Variants in ABHD12B observed in about 807,000 individuals in gnomAD.
The protein encoded by ABHD12B is abhydrolase domain containing 12B.
A neutral mutation model predicts 50.4 loss-of-function variants in ABHD12B; 42 were observed. That is an observed-to-expected ratio of 0.83 (90% CI 0.65 to 1.08). The LOEUF (loss-of-function observed/expected upper bound fraction) is 1.08, where lower values mean the gene tolerates loss of function less well. Among genes scored for constraint, ABHD12B ranks in the 50% least tolerant of loss-of-function variants. The pLI, the probability that ABHD12B is intolerant of heterozygous loss-of-function variation, is 0.00. For synonymous variants in ABHD12B, 167 were observed against 160.3 expected, an observed-to-expected ratio of 1.04 and a Z score of -0.32; for missense variants, 479 against 447.7, an observed-to-expected ratio of 1.07 and a Z score of -0.63.
chr14:50,885,887 G>A lies in ABHD12B; in HGVS notation c.654G>A (p.Leu218=). Residue 218 remains leucine, a synonymous_variant, in exon 7 of 13, where the codon CTG becomes CTA. Coordinates refer to ENST00000337334, the MANE Select transcript of ABHD12B (RefSeq NM_001206673.2). ...ITPVCLWGHS[L]GTGVATNAAK... ...CCGTGTGTCTCTGGGGCCACTCTCT[G>A]GGTACAGGGTAAGTGAGATCTGCAA... The A allele has an allele frequency of 1.2e-6, 2 of 1,614,042 alleles. No individual in the cohort carries two copies. The highest frequency in any genetic ancestry group is 1.7e-6 in the Non-Finnish European group (2 of 1,180,022).
At chr14:50,888,976 T>C in intron 9 of ABHD12B, 73 bp downstream of exon 9, 1 of 1,167,020 alleles carries the variant, frequency 8.6e-7, no homozygotes. Flanking sequence ...TTTCTACACA[T>C]GTATGTTTAT....
At chr14:50,889,361 C>T (rs1265128725) in intron 9 of ABHD12B, among the ~76,000 whole-genome samples, 2 of 152,208 alleles carry the variant, frequency 1.3e-5, no homozygotes, top group East Asian at 3.9e-4. Flanking sequence ...GTACAAAGGC[C>T]GGGAGTGGTG....
intron 5 of ABHD12B, among the ~76,000 whole-genome samples, chr14:50,884,186 A>G (rs1350901932): frequency 6.6e-6 from 1 of 152,052 alleles, no homozygotes; most frequent in Admixed American, 6.5e-5. Flanking sequence ...AAGCATCTAG[A>G]TTTTTCTTCT....
intron 9 of ABHD12B, among the ~76,000 whole-genome samples, chr14:50,896,283 G>A (rs2050197902): frequency 1.3e-5 from 2 of 152,002 alleles, no homozygotes; most frequent in Non-Finnish European, 2.9e-5. Context: ...TGTCAGCCCT[G>A]AGAAACATCG....
At chr14:50,901,156 C>T (rs1239736358) in intron 9 of ABHD12B, among the ~76,000 whole-genome samples, 1 of 152,130 alleles carries the variant, frequency 6.6e-6, no homozygotes, top group African/African-American at 2.4e-5. Flanking sequence ...TCCTTTACTC[C>T]TTATTTCCAG....
At chr14:50,879,370 T>C (rs2049908030) in intron 3 of ABHD12B, among the ~76,000 whole-genome samples, 1 of 152,262 alleles carries the variant, frequency 6.6e-6, no homozygotes, top group South Asian at 2.1e-4. Flanking sequence ...ATTTGGTTAA[T>C]ATTTGTCTTC....
chr14:50,888,919 A>G lies in ABHD12B; in HGVS notation c.780+16A>G. 1 of 1,610,826 alleles carries G rather than the reference A, an allele frequency of 6.2e-7. No homozygotes were observed. The highest frequency in any genetic ancestry group is 1.3e-5 in the African/African-American group (1 of 74,988). ...CTTGTTAAAGGTGAGACTCTGATTC[A>G]TCTTTACAAGGGATCAAAGTAGGCT... On this transcript the variant is annotated intron_variant, in intron 9 of 12. Coordinates refer to ENST00000337334, the MANE Select transcript of ABHD12B (RefSeq NM_001206673.2).
At chr14:50,879,934 A>G (rs1393551555) in intron 3 of ABHD12B, among the ~76,000 whole-genome samples, 1 of 152,216 alleles carries the variant, frequency 6.6e-6, no homozygotes, top group Non-Finnish European at 1.5e-5. Flanking sequence ...TGCAGCATTC[A>G]CTGGTTTAAC....
chr14:50,904,310 G>GTGAGCTGATCTGGGTCCTTT, intron 12 of ABHD12B, 29 bp from the exon 13 acceptor site: 1 of 1,614,098 alleles, frequency 6.2e-7, no homozygotes, highest in Non-Finnish European at 8.5e-7. Flanking sequence ...GGGAAAGGGT[G>GTGAGCTGATCTGGGTCCTTT]TGAGCTGATC....
chr14:50,882,005 C>T (rs2049958557), intron 5 of ABHD12B, among the ~76,000 whole-genome samples: 1 of 149,380 alleles, frequency 6.7e-6, no homozygotes, highest in South Asian at 2.1e-4. Context: ...GCATGATCTC[C>T]ACTTACTGCA....
chr14:50,896,530 T>C (rs1343532415), intron 9 of ABHD12B, among the ~76,000 whole-genome samples: 1 of 151,090 alleles, frequency 6.6e-6, no homozygotes, highest in Non-Finnish European at 1.5e-5. Flanking sequence ...CATTCCACCA[T>C]TGTGATTTGT....
At chr14:50,903,606 T>A in intron 11 of ABHD12B, 139 bp downstream of exon 11, 1 of 610,226 alleles carries the variant, frequency 1.6e-6, no homozygotes, top group Non-Finnish European at 2.8e-6. Context: ...ATAGCCTCTA[T>A]AGGTTTATAA....
intron 1 of ABHD12B, among the ~76,000 whole-genome samples, chr14:50,873,371 G>A (rs892941371): frequency 1.3e-5 from 2 of 152,016 alleles, no homozygotes; most frequent in Non-Finnish European, 2.9e-5. Context: ...CCACCACACT[G>A]AGCTGATTTT....
chr14:50,894,608 A>G (rs1342795735), intron 9 of ABHD12B, among the ~76,000 whole-genome samples: 3 of 152,122 alleles, frequency 2.0e-5, no homozygotes, highest in Non-Finnish European at 1.5e-5. Flanking sequence ...TAGCCAGAAA[A>G]TGGCACTTTG....
intron 9 of ABHD12B, chr14:50,892,627 T>C (rs2050134995): frequency 1.0e-6 from 1 of 972,084 alleles, no homozygotes; most frequent in African/African-American, 1.8e-5. Flanking sequence ...CTGTGTTATA[T>C]GGTTTCTATA....
chr14:50,888,793 T>C (rs2050075950), intron 8 of ABHD12B, 31 bp from the exon 9 acceptor site: 1 of 1,593,678 alleles, frequency 6.3e-7, no homozygotes, highest in Non-Finnish European at 8.6e-7. Context: ...GGGGAGTTAC[T>C]GATTTCTTTC....
Position 50,904,822 on chromosome 14 carries a change from C to T in ABHD12B, c.*456C>T, listed in dbSNP as rs1426688817. ...AAATTATGACCAAAAGAGCTCTTCA[C>T]TCCTCCTACCATTTGAGGATACAGT... On this transcript the variant is annotated 3_prime_UTR_variant, in exon 13 of 13. Transcript: ENST00000337334. 2.2e-4 allele frequency: 50 copies of T among 230,848 alleles called. No homozygotes were observed. Among genetic ancestry groups the T allele is most frequent in the South Asian group, 1.4e-3 (22 of 15,210 alleles). 14.3% of individuals were successfully genotyped at this position (230,848 alleles called of 1,614,324 possible). A position where few individuals can be genotyped will look rare whatever the true frequency, so the allele number is the denominator to read the frequency against.
chr14:50,880,592 A>AT lies in ABHD12B; in HGVS notation c.455+30dup, dbSNP rs538304820. ...CACAGGTCAGTGGCTCTGCTTACAT[A>AT]TTTTTTTTTCAGGAGATTGAGAGCA... is the stretch of plus-strand genomic sequence containing the variant. On this transcript the variant is annotated intron_variant, in intron 4 of 12. Coordinates refer to ENST00000337334, the MANE Select transcript of ABHD12B (RefSeq NM_001206673.2). 1.3e-3 allele frequency: 1,939 copies of AT among 1,492,748 alleles called. 1 individual carries two copies. Among genetic ancestry groups the AT allele is most frequent in the South Asian group, 4.0e-3 (301 of 75,688 alleles). 92.5% of individuals were successfully genotyped at this position (1,492,748 alleles called of 1,614,324 possible). A position where few individuals can be genotyped will look rare whatever the true frequency, so the allele number is the denominator to read the frequency against.
chr14:50,886,382 G>C (rs936503086), intron 7 of ABHD12B, among the ~76,000 whole-genome samples: 1 of 150,130 alleles, frequency 6.7e-6, no homozygotes, highest in African/African-American at 2.5e-5. Flanking sequence ...AGAGGTTGCA[G>C]TGAGCCGAGA....
Sources: gnomAD v4.1 joint callset for allele counts (sites outside exome capture counted in the v4.1 genomes callset) on GRCh38, gnomAD v4.1.1 for gene constraint, MANE v1.5 for transcripts, NCBI Gene and HGNC (gene_info 2026-07-23, HGNC 2026-07-21) for gene names.